Variants in GRIA1 observed in about 807,000 individuals in gnomAD.
GRIA1 encodes the protein glutamate ionotropic receptor AMPA type subunit 1.
GRIA1 carries 31 observed loss-of-function variants against 99.2 expected under a neutral mutation model. The ratio of observed to expected loss-of-function variants is 0.31; its 90% confidence interval spans 0.23 to 0.42. GRIA1 has a LOEUF of 0.42. GRIA1 is among the 10% of genes least tolerant of loss of function. The pLI is 1.00. For synonymous variants in GRIA1, 438 were observed against 432.4 expected (o/e 1.01, Z -0.16); for missense variants, 782 against 1,157.5 (o/e 0.68, Z 4.71).
Position 153,764,541 on chromosome 5 carries a change from T to C in GRIA1, c.1931T>C (p.Val644Ala). 3.1e-6 allele frequency: 5 copies of C among 1,613,406 alleles called. No individual in the cohort carries two copies. The highest frequency in any genetic ancestry group is 4.2e-6 in the Non-Finnish European group (5 of 1,179,342). ...LAAFLTVERM[V>A]SPIESAEDLA... is the part of the protein sequence containing the mutation. Reference sequence around the variant, plus strand: ...GCCTTCCTGACCGTGGAGAGGATGGTGTCTCCCATTGAGAGTGCAGAGGAC... The same window carrying C: ...GCCTTCCTGACCGTGGAGAGGATGGCGTCTCCCATTGAGAGTGCAGAGGAC... The change falls in exon 12 of 16, where the codon GTG (valine) becomes GCG (alanine). Residue 644 changes from valine to alanine, a missense_variant. Around this residue, in one of 5 missense-constraint regions of GRIA1, gnomAD observed 119 missense variants for 326.6 expected, o/e 0.36. Transcript: ENST00000285900.
intron 13 of GRIA1, among the ~76,000 whole-genome samples, chr5:153,775,582 G>A (rs975252776): frequency 4.6e-5 from 7 of 152,130 alleles, no homozygotes; most frequent in South Asian, 2.1e-4. Flanking sequence ...TAGCTTCACC[G>A]ATTGGTTTCC....
chr5:153,533,505 A>T (rs1758274330), intron 2 of GRIA1, among the ~76,000 whole-genome samples: 1 of 152,064 alleles, frequency 6.6e-6, no homozygotes, highest in Non-Finnish European at 1.5e-5. Flanking sequence ...ATTCATTTTT[A>T]TGCCAAAAGT....
chr5:153,494,226 C>T (rs1424537884), intron 2 of GRIA1, 161 bp downstream of exon 2: 11 of 662,680 alleles, frequency 1.7e-5, no homozygotes, highest in Non-Finnish European at 2.5e-5. Flanking sequence ...TGAGTGATTC[C>T]AGCAGTTGGC....
chr5:153,530,133 G>A (rs1183414707), intron 2 of GRIA1, among the ~76,000 whole-genome samples: 2 of 152,164 alleles, frequency 1.3e-5, no homozygotes, highest in African/African-American at 4.8e-5. Context: ...CATTCTTACA[G>A]AAGTTCTGGT....
chr5:153,557,239 AC>A (rs1457082961), intron 2 of GRIA1, among the ~76,000 whole-genome samples: 5 of 152,110 alleles, frequency 3.3e-5, no homozygotes, highest in African/African-American at 1.2e-4. Flanking sequence ...GTTAGGCTAC[AC>A]TAAATTTATT....
chr5:153,660,855 T>C (rs1236418437), intron 5 of GRIA1, among the ~76,000 whole-genome samples: 1 of 152,146 alleles, frequency 6.6e-6, no homozygotes, highest in Non-Finnish European at 1.5e-5. Context: ...ACTACATTGA[T>C]GGAATTTTAT....
intron 2 of GRIA1, among the ~76,000 whole-genome samples, chr5:153,531,888 C>T (rs891433564): frequency 1.3e-5 from 2 of 152,106 alleles, no homozygotes; most frequent in African/African-American, 4.8e-5. Context: ...GAGACTGAAA[C>T]CTCTCACATT....
chr5:153,656,901 T>C (rs1451019206), intron 5 of GRIA1, among the ~76,000 whole-genome samples: 1 of 152,168 alleles, frequency 6.6e-6, no homozygotes, highest in Admixed American at 6.6e-5. Context: ...TAATTTACTT[T>C]CTATCCGTAT....
At chr5:153,653,834 A>C (rs921704880) in intron 4 of GRIA1, among the ~76,000 whole-genome samples, 4 of 152,204 alleles carry the variant, frequency 2.6e-5, no homozygotes, top group African/African-American at 7.2e-5. Context: ...TGGATTAATT[A>C]GTTAATCATA....
At chr5:153,621,205 C>G (rs1284575224) in intron 2 of GRIA1, among the ~76,000 whole-genome samples, 1 of 152,052 alleles carries the variant, frequency 6.6e-6, no homozygotes, top group Non-Finnish European at 1.5e-5. Flanking sequence ...CATCTATATC[C>G]CCAAATTCCT....
chr5:153,528,035 CA>C, intron 2 of GRIA1, among the ~76,000 whole-genome samples: 1 of 152,264 alleles, frequency 6.6e-6, no homozygotes, highest in South Asian at 2.1e-4. Context: ...AGTTCATTTG[CA>C]CATCTTTGTT....
At chr5:153,489,714 C>G, upstream of GRIA1, 1 of 447,710 alleles carries the variant, frequency 2.2e-6, no homozygotes. Flanking sequence ...AGCAGAAGCC[C>G]TGGTCTAGGA....
chr5:153,501,570 G>A (rs556103582), intron 2 of GRIA1, among the ~76,000 whole-genome samples: 1 of 152,314 alleles, frequency 6.6e-6, no homozygotes, highest in East Asian at 1.9e-4. Flanking sequence ...AAGCAGAGAA[G>A]TGCCGTGTTT....
At chr5:153,652,497 A>G (rs578005461) in intron 4 of GRIA1, among the ~76,000 whole-genome samples, 36 of 152,330 alleles carry the variant, frequency 2.4e-4, no homozygotes, top group Non-Finnish European at 3.4e-4. Context: ...CACAGCTAGC[A>G]TATGATAAAA....
At chr5:153,594,739 T>A (rs112275896) in intron 2 of GRIA1, among the ~76,000 whole-genome samples, 2 of 152,132 alleles carry the variant, frequency 1.3e-5, no homozygotes, top group Non-Finnish European at 2.9e-5. Flanking sequence ...TCTCCCTTAT[T>A]CTCAGCTATA....
chr5:153,614,131 C>T (rs555862550), intron 2 of GRIA1, among the ~76,000 whole-genome samples: 1 of 152,220 alleles, frequency 6.6e-6, no homozygotes, highest in Non-Finnish European at 1.5e-5. Flanking sequence ...AATGACACTT[C>T]TTAGATCACA....
intron 2 of GRIA1, among the ~76,000 whole-genome samples, chr5:153,516,089 G>A (rs502887): frequency 0.24 from 36,235 of 151,748 alleles, 4,592 homozygotes; most frequent in Middle Eastern, 0.41. Context: ...ACGTGGTGGC[G>A]GGCGCCTGTA....
At chr5:153,695,316 AC>A (rs1758017646) in intron 8 of GRIA1, among the ~76,000 whole-genome samples, 1 of 152,194 alleles carries the variant, frequency 6.6e-6, no homozygotes, top group South Asian at 2.1e-4. Flanking sequence ...ATAATATACT[AC>A]CAGAGTGCTT....
chr5:153,637,632 G>A (rs903133823), intron 2 of GRIA1, among the ~76,000 whole-genome samples: 1 of 152,122 alleles, frequency 6.6e-6, no homozygotes, highest in Non-Finnish European at 1.5e-5. Flanking sequence ...TTCTTTCCTG[G>A]GGAGAAACGG....
Sources: allele counts gnomAD v4.1 joint callset (sites outside exome capture counted in the v4.1 genomes callset), GRCh38; gene constraint gnomAD v4.1.1; regional missense constraint gnomAD v4.1.1; transcripts MANE v1.5; gene names NCBI Gene and HGNC (gene_info 2026-07-23, HGNC 2026-07-21).